The following NCBP3 variants were observed in gnomAD, a reference collection of about 807,000 sequenced individuals.
NCBP3 encodes the protein nuclear cap binding subunit 3.
In NCBP3, 20 loss-of-function variants were observed where a neutral mutation model predicts 75.7. The ratio of observed to expected loss-of-function variants is 0.26; its 90% confidence interval spans 0.19 to 0.38. The LOEUF is 0.38. Ranked by LOEUF, NCBP3 falls within the 10% of genes least tolerant of loss-of-function variation. NCBP3 has a pLI of 1.00. For synonymous variants in NCBP3, 293 were observed against 290.5 expected (o/e 1.01, Z -0.09); for missense variants, 678 against 796.9 (o/e 0.85, Z 1.80).
intron 11 of NCBP3, 72 bp from the exon 12 acceptor site, chr17:3,814,555 C>CT (rs1567580217): frequency 6.6e-7 from 1 of 1,520,176 alleles, no homozygotes; most frequent in African/African-American, 1.4e-5. Context: ...CCTGACACCT[C>CT]TAACGGATCT....
chr17:3,846,215 G>A lies in NCBP3; in HGVS notation c.9C>T (p.Ala3=), dbSNP rs752261611. The A allele has an allele frequency of 3.5e-6, 5 of 1,440,034 alleles. No homozygotes were observed. Among genetic ancestry groups the A allele is most frequent in the African/African-American group, 1.5e-5 (1 of 66,304 alleles). 89.2% of individuals were successfully genotyped at this position (1,440,034 alleles called of 1,614,324 possible). A position where few individuals can be genotyped will look rare whatever the true frequency, so the allele number is the denominator to read the frequency against. The stretch of plus-strand genomic sequence containing the variant: ...TCACCGACACCCGCAGGCCCCGTAC[G>A]GCCGCCATCGCTGCCTGCCGGCCGC... The part of the protein sequence containing the change: MA[A]VRGLRVSVKA... The change falls in exon 1 of 13, where the codon GCC becomes GCT. Residue 3 remains alanine, a synonymous_variant. Transcript: ENST00000389005. This position sits in a 1 kb window ranked among gnomAD's most constrained non-coding sequence, Gnocchi z 4.6.
At chr17:3,838,394 C>T (rs1166385544) in intron 3 of NCBP3, among the ~76,000 whole-genome samples, 9 of 152,240 alleles carry the variant, frequency 5.9e-5, no homozygotes, top group Admixed American at 1.3e-4. Context: ...GGTATGCTTG[C>T]GCCCGGCTGT....
At chr17:3,840,068 T>A (rs1041162107) in intron 3 of NCBP3, 32 bp downstream of exon 3, 1 of 1,519,052 alleles carries the variant, frequency 6.6e-7, no homozygotes, top group African/African-American at 1.4e-5. Flanking sequence ...TCTGGGGAAA[T>A]GTGGACAAAT....
chr17:3,824,468 TAC>T (rs1433385157), intron 7 of NCBP3: 4 of 153,666 alleles, frequency 2.6e-5, no homozygotes, highest in African/African-American at 9.7e-5. Context: ...ATACACGCGA[TAC>T]ATACATACAT....
chr17:3,844,848 G>C (rs953699000), intron 1 of NCBP3, among the ~76,000 whole-genome samples: 2 of 152,056 alleles, frequency 1.3e-5, no homozygotes, highest in African/African-American at 4.8e-5. Flanking sequence ...GCAGGAGAAT[G>C]GCTTGAACCC....
intron 12 of NCBP3, 72 bp downstream of exon 12, chr17:3,814,250 A>G: frequency 6.7e-7 from 1 of 1,492,292 alleles, no homozygotes. Context: ...CTAAGAAAGT[A>G]TTTCTCCAAT....
intron 3 of NCBP3, among the ~76,000 whole-genome samples, chr17:3,834,834 A>C (rs1377257638): frequency 1.4e-4 from 5 of 35,286 alleles, no homozygotes; most frequent in African/African-American, 4.8e-4. Flanking sequence ...GGATGAAACA[A>C]AAAAAAAAAA....
intron 4 of NCBP3, among the ~76,000 whole-genome samples, chr17:3,828,451 C>T (rs1409455438): frequency 1.3e-5 from 2 of 152,094 alleles, no homozygotes; most frequent in Middle Eastern, 3.2e-3. Flanking sequence ...AAAAATGTTT[C>T]ACTCAGTCAT....
intron 4 of NCBP3, among the ~76,000 whole-genome samples, chr17:3,826,688 CAGAA>C (rs1444246501): frequency 8.0e-6 from 1 of 124,914 alleles, no homozygotes; most frequent in Non-Finnish European, 1.6e-5. Flanking sequence ...GAAAGAGAGA[CAGAA>C]AGAGAAGGAA....
chr17:3,832,438 G>T (rs1399822583), intron 3 of NCBP3, among the ~76,000 whole-genome samples: 1 of 117,796 alleles, frequency 8.5e-6, no homozygotes, highest in African/African-American at 2.6e-5. Context: ...AGACCATCCT[G>T]GCCAACACGG....
chr17:3,822,297 G>A, intron 7 of NCBP3: 1 of 368,564 alleles, frequency 2.7e-6, no homozygotes, highest in Non-Finnish European at 4.9e-6. Flanking sequence ...ACTTAATGGA[G>A]AAAACAAAAA....
At chr17:3,844,388 T>A (rs1405564063) in intron 1 of NCBP3, among the ~76,000 whole-genome samples, 3 of 152,046 alleles carry the variant, frequency 2.0e-5, no homozygotes, top group Non-Finnish European at 4.4e-5. Flanking sequence ...CCTGGACCCA[T>A]CCCAGAGCCT....
chr17:3,809,883 AAT>A lies in NCBP3; in HGVS notation c.*3159_*3160del, dbSNP rs2053383378. The A allele has an allele frequency of 1.3e-5, 2 of 152,226 alleles. No individual in the cohort carries two copies. Among genetic ancestry groups the A allele is most frequent in the Admixed American group, 1.3e-4 (2 of 15,284 alleles). The allele number at this position is 152,226 out of a possible 1,614,324, so 9.4% of individuals were successfully genotyped here. ...AGCTATGACATGGATGAACCTCAGA[AAT>A]ATGTTAAGAAGCCAGTCACAAATAG... On this transcript the variant is annotated 3_prime_UTR_variant, in exon 13 of 13. Coordinates refer to ENST00000389005, the MANE Select transcript of NCBP3 (RefSeq NM_001114118.3).
Position 3,813,042 on chromosome 17 carries a change from C to T in NCBP3, c.*2G>A, listed in dbSNP as rs749999920. The T allele has an allele frequency of 1.7e-5, 27 of 1,614,174 alleles. No individual in the cohort carries two copies. Among genetic ancestry groups the T allele is most frequent in the Non-Finnish European group, 2.3e-5 (27 of 1,180,022 alleles). Reference sequence around the variant, plus strand: ...GGGCAGCTGCCATAGGCCCCAGGGGCATCAGGACTCTGCCTCTGAACCAGA... The same window carrying T: ...GGGCAGCTGCCATAGGCCCCAGGGGTATCAGGACTCTGCCTCTGAACCAGA... On this transcript the variant is annotated 3_prime_UTR_variant, in exon 13 of 13. Transcript: ENST00000389005.
At chr17:3,827,295 G>C (rs1355781249) in intron 4 of NCBP3, among the ~76,000 whole-genome samples, 1 of 152,212 alleles carries the variant, frequency 6.6e-6, no homozygotes, top group Non-Finnish European at 1.5e-5. Context: ...AGTATTAGCA[G>C]TTCTTGATAA....
In NCBP3 at chr17:3,822,067, C is replaced by A; in HGVS notation, c.797-15G>T. On this transcript the variant is annotated splice_polypyrimidine_tract_variant and intron_variant, in intron 7 of 12. Transcript: ENST00000389005. Reference sequence around the variant, plus strand: ...CTTTTTGTCATCTAAAAATTAATGACAATAGTTACCTAGGATTTCCTGTGA... The same window carrying A: ...CTTTTTGTCATCTAAAAATTAATGAAAATAGTTACCTAGGATTTCCTGTGA... 1 of 1,496,538 alleles carries A rather than the reference C, an allele frequency of 6.7e-7. No homozygotes were observed. Among genetic ancestry groups the A allele is most frequent in the Non-Finnish European group, 9.3e-7 (1 of 1,079,404 alleles). 92.7% of individuals were successfully genotyped at this position (1,496,538 alleles called of 1,614,324 possible). A position where few individuals can be genotyped will look rare whatever the true frequency, so the allele number is the denominator to read the frequency against.
chr17:3,819,850 T>C (rs965503327), intron 9 of NCBP3, among the ~76,000 whole-genome samples: 2 of 152,194 alleles, frequency 1.3e-5, no homozygotes, highest in African/African-American at 4.8e-5. Context: ...TAGGGGCAAT[T>C]TGCTTTTTAA....
Position 3,816,239 on chromosome 17 carries a change from T to C in NCBP3, c.1342A>G (p.Ser448Gly). The change falls in exon 11 of 13, where the codon AGC (serine) becomes GGC (glycine). Residue 448 changes from serine (S) to glycine (G), a missense_variant. Physicochemically the swap from Ser to Gly is moderately conservative, Grantham distance 56. This residue lies in a region of NCBP3 where 365 missense variants were observed against 392.7 expected (regional missense o/e 0.93). Transcript: ENST00000389005. ...TTACCAATTCGGTTTTTGATATTGCTTGAAGATACACTATCTGCCCTCATG... is the reference window on the plus strand; with the variant it reads ...TTACCAATTCGGTTTTTGATATTGCCTGAAGATACACTATCTGCCCTCATG... ...NSMRADSVSS[S>G]NIKNRIGNKL... 1 of 1,614,200 alleles carries C rather than the reference T, an allele frequency of 6.2e-7. No individual in the cohort carries two copies.
chr17:3,817,865 T>C (rs1164122108), intron 10 of NCBP3, among the ~76,000 whole-genome samples: 1 of 152,164 alleles, frequency 6.6e-6, no homozygotes, highest in African/African-American at 2.4e-5. Flanking sequence ...CTACAATATA[T>C]TAAGTGAAAA....
Sources: gnomAD v4.1 joint callset for allele counts (sites outside exome capture counted in the v4.1 genomes callset) on GRCh38, gnomAD v4.1.1 for gene constraint, gnomAD v4.1.1 regional missense constraint, Gnocchi (gnomAD v3.1) non-coding constraint, MANE v1.5 for transcripts, NCBI Gene and HGNC (gene_info 2026-07-23, HGNC 2026-07-21) for gene names.